Variants in DGKG observed in about 807,000 individuals in gnomAD.
The protein encoded by DGKG is DAG kinase gamma.
DGKG carries 78 observed loss-of-function variants against 105.3 expected under a neutral mutation model. The ratio of observed to expected loss-of-function variants is 0.74; its 90% CI spans 0.62 to 0.89. The LOEUF is 0.89. DGKG is among the 40% of genes least tolerant of loss of function. The pLI is 0.00. For synonymous variants in DGKG, 346 were observed against 367.1 expected, an observed-to-expected ratio of 0.94 and a Z score of 0.66; for missense variants, 958 against 1,020.1, an observed-to-expected ratio of 0.94 and a Z score of 0.83.
intron 1 of DGKG, among the ~76,000 whole-genome samples, chr3:186,360,867 A>G (rs73885861): frequency 0.014 from 2,085 of 152,256 alleles, 50 homozygotes; most frequent in African/African-American, 0.047. Flanking sequence ...CAAGCCCCCA[A>G]AATAAAGGAA....
chr3:186,153,672 C>CA (rs1383803293), intron 24 of DGKG, among the ~76,000 whole-genome samples: 1 of 152,242 alleles, frequency 6.6e-6, no homozygotes, highest in Non-Finnish European at 1.5e-5. Flanking sequence ...TGCAAACCAA[C>CA]ACATTCTTAT....
At chr3:186,324,190 G>A (rs1047253955) in intron 1 of DGKG, among the ~76,000 whole-genome samples, 20 of 151,364 alleles carry the variant, frequency 1.3e-4, no homozygotes, top group African/African-American at 4.9e-4. Flanking sequence ...CTAAGAGGAC[G>A]CATAGGCACA....
At chr3:186,248,470 C>T (rs728606) in intron 19 of DGKG, among the ~76,000 whole-genome samples, 101,111 of 152,174 alleles carry the variant, frequency 0.66, 38,567 homozygotes, top group East Asian at 0.92. Flanking sequence ...GACCATTCTT[C>T]TCTGCTCTAG....
intron 24 of DGKG, among the ~76,000 whole-genome samples, chr3:186,156,348 T>A (rs527616264): frequency 1.3e-5 from 2 of 152,282 alleles, no homozygotes; most frequent in East Asian, 3.9e-4. Context: ...ATTTCTTGGA[T>A]ATCATATGCT....
At chr3:186,297,397 A>T (rs1165455712) in intron 5 of DGKG, 24 bp downstream of exon 5, 3 of 1,588,654 alleles carry the variant, frequency 1.9e-6, no homozygotes, top group African/African-American at 1.3e-5. Context: ...CTTTTCCCAC[A>T]AGTCTTATAT....
intron 22 of DGKG, 130 bp downstream of exon 22, chr3:186,188,072 C>A: frequency 3.7e-6 from 4 of 1,073,360 alleles, no homozygotes; most frequent in Non-Finnish European, 5.5e-6. Flanking sequence ...CATCGGATGA[C>A]GAGTCAGCAT....
chr3:186,292,832 C>G (rs1363984890), intron 5 of DGKG, among the ~76,000 whole-genome samples: 1 of 151,812 alleles, frequency 6.6e-6, no homozygotes, highest in Non-Finnish European at 1.5e-5. Flanking sequence ...GAAACTCGGT[C>G]CCAGATTATC....
At chr3:186,236,209 G>T (rs2108545643) in intron 20 of DGKG, among the ~76,000 whole-genome samples, 1 of 152,160 alleles carries the variant, frequency 6.6e-6, no homozygotes, top group South Asian at 2.1e-4. Context: ...TCACTGCTGG[G>T]GTCTCCTCCA....
chr3:186,262,342 C>T (rs1044245690), intron 14 of DGKG, among the ~76,000 whole-genome samples: 11 of 152,164 alleles, frequency 7.2e-5, no homozygotes, highest in Middle Eastern at 3.2e-3. Flanking sequence ...CTATGAAACT[C>T]GGCCTTTCTC....
intron 21 of DGKG, chr3:186,207,619 A>G: frequency 3.3e-6 from 1 of 299,738 alleles, no homozygotes; most frequent in Non-Finnish European, 4.9e-6. Context: ...CATTTTATAG[A>G]TGAGAATACT....
chr3:186,347,180 G>A (rs754294219), intron 1 of DGKG, among the ~76,000 whole-genome samples: 1 of 152,000 alleles, frequency 6.6e-6, no homozygotes, highest in African/African-American at 2.4e-5. Flanking sequence ...CAGGCGGGGC[G>A]GCTCACCCCC....
chr3:186,246,976 T>C (rs1275489455), intron 19 of DGKG, among the ~76,000 whole-genome samples: 1 of 152,192 alleles, frequency 6.6e-6, no homozygotes, highest in Non-Finnish European at 1.5e-5. Context: ...TACACATACC[T>C]TGGGAATTAT....
At chr3:186,242,759 A>G (rs530375767) in intron 19 of DGKG, 191 bp from the exon 20 acceptor site, 4 of 508,558 alleles carry the variant, frequency 7.9e-6, no homozygotes, top group African/African-American at 5.7e-5. Context: ...ATGAGCTAGC[A>G]CCACCAATAC....
intron 13 of DGKG, among the ~76,000 whole-genome samples, chr3:186,267,051 A>G (rs1271259520): frequency 6.6e-6 from 1 of 152,198 alleles, no homozygotes; most frequent in East Asian, 1.9e-4. Context: ...ACAGGCGACA[A>G]CGTGCCAGGT....
At chr3:186,161,157 G>T (rs988002816) in intron 24 of DGKG, 1 of 991,448 alleles carries the variant, frequency 1.0e-6, no homozygotes, top group Non-Finnish European at 1.2e-6. Flanking sequence ...GCAGTCAAAG[G>T]CGCTACCCTA....
intron 10 of DGKG, among the ~76,000 whole-genome samples, chr3:186,273,368 T>C (rs2268828): frequency 0.48 from 19,897 of 41,326 alleles, 4,258 homozygotes; most frequent in African/African-American, 0.66. Flanking sequence ...GTTGTACCCC[T>C]TTTTTTTTTT....
At chr3:186,357,370 T>A (rs1319073929) in intron 1 of DGKG, among the ~76,000 whole-genome samples, 1 of 151,930 alleles carries the variant, frequency 6.6e-6, no homozygotes, top group East Asian at 1.9e-4. Flanking sequence ...CTAATCCACA[T>A]CACAACACAC....
intron 20 of DGKG, among the ~76,000 whole-genome samples, chr3:186,229,387 C>T (rs749195232): frequency 1.1e-3 from 167 of 151,850 alleles, no homozygotes; most frequent in Non-Finnish European, 2.0e-3. Flanking sequence ...ATTACAGGTG[C>T]CCACCCGCCA....
intron 1 of DGKG, among the ~76,000 whole-genome samples, chr3:186,353,702 ATAT>A (rs372859013): frequency 0.045 from 5,664 of 125,568 alleles, 219 homozygotes; most frequent in African/African-American, 0.11. Flanking sequence ...ATCTATATCT[ATAT>A]AACAGTGGAC....
Sources: allele counts gnomAD v4.1 joint callset (sites outside exome capture counted in the v4.1 genomes callset), GRCh38; gene constraint gnomAD v4.1.1; transcripts MANE v1.5; gene names NCBI Gene and HGNC (gene_info 2026-07-23, HGNC 2026-07-21).